The following MYRIP variants were observed in gnomAD, a reference collection of about 807,000 sequenced individuals.
The protein encoded by MYRIP is rab effector MyRIP.
Under a neutral mutation model 98.0 loss-of-function variants are expected in MYRIP, and 49 were observed. The ratio of observed to expected loss-of-function variants is 0.50; its 90% CI spans 0.40 to 0.63. The LOEUF is 0.63. MYRIP is among the 30% of genes least tolerant of loss of function. The pLI is 0.00. For missense variants in MYRIP, 1,004 were observed against 1,058.2 expected, an observed-to-expected ratio of 0.95 and a Z score of 0.71; for synonymous variants, 404 against 409.5, an observed-to-expected ratio of 0.99 and a Z score of 0.16.
intron 2 of MYRIP, among the ~76,000 whole-genome samples, chr3:39,932,997 C>G (rs1042747871): frequency 2.6e-5 from 4 of 152,148 alleles, no homozygotes; most frequent in Admixed American, 6.5e-5. Context: ...GGACAGAATA[C>G]ATAGCATTTC....
intron 2 of MYRIP, among the ~76,000 whole-genome samples, chr3:39,904,352 C>T (rs1167957666): frequency 1.3e-5 from 2 of 152,102 alleles, no homozygotes; most frequent in East Asian, 1.9e-4. Context: ...TCTCCTGCCT[C>T]GACCTCTTGA....
In MYRIP at chr3:40,258,493, T is replaced by G. The variant is rs978938959; in HGVS notation, c.*327T>G. Reference sequence around the variant, plus strand: ...GCTACTGTATGTTGACTTTAAGATCTTTTTTTAAATACATTTGATTCAGCT... The same window carrying G: ...GCTACTGTATGTTGACTTTAAGATCGTTTTTTAAATACATTTGATTCAGCT... On this transcript the variant is annotated 3_prime_UTR_variant, in exon 17 of 17. Transcript: ENST00000302541. 22 of 291,620 alleles carry G rather than the reference T, an allele frequency of 7.5e-5. No homozygotes were observed. Among genetic ancestry groups the G allele is most frequent in the Middle Eastern group, 2.0e-3 (2 of 984 alleles). The allele number at this position is 291,620 out of a possible 1,614,324, so 18.1% of individuals were successfully genotyped here.
chr3:39,816,078 C>CTTTTTTTTTTTT (rs11382431), intron 1 of MYRIP, among the ~76,000 whole-genome samples: 1 of 143,230 alleles, frequency 7.0e-6, no homozygotes, highest in Non-Finnish European at 1.5e-5. Flanking sequence ...TTCTTTTTTT[C>CTTTTTTTTTTTT]TTTTTTTTTT....
chr3:40,000,270 G>T (rs981126646), intron 2 of MYRIP, among the ~76,000 whole-genome samples: 1 of 151,976 alleles, frequency 6.6e-6, no homozygotes, highest in African/African-American at 2.4e-5. Context: ...CTTGATTATG[G>T]CAATTTGAGC....
chr3:39,909,412 G>T (rs1943963583), intron 2 of MYRIP, among the ~76,000 whole-genome samples: 1 of 152,144 alleles, frequency 6.6e-6, no homozygotes, highest in Non-Finnish European at 1.5e-5. Context: ...AATATGAAAG[G>T]GGTGAAAGGG....
chr3:40,101,860 A>T (rs758886702), intron 3 of MYRIP, among the ~76,000 whole-genome samples: 1 of 152,146 alleles, frequency 6.6e-6, no homozygotes, highest in Non-Finnish European at 1.5e-5. Flanking sequence ...CCCATGACCC[A>T]GGACTGGCAG....
chr3:40,023,197 T>G (rs561110258), intron 2 of MYRIP, among the ~76,000 whole-genome samples: 1 of 152,204 alleles, frequency 6.6e-6, no homozygotes, highest in African/African-American at 2.4e-5. Context: ...TGGTCACAAG[T>G]GCAGATGTCA....
intron 2 of MYRIP, among the ~76,000 whole-genome samples, chr3:40,026,160 CT>C (rs1179700172): frequency 6.6e-6 from 1 of 152,082 alleles, no homozygotes; most frequent in African/African-American, 2.4e-5. Context: ...GAATGCAATT[CT>C]TTTCCTAGGG....
At chr3:40,207,603 T>C (rs1251887002) in intron 10 of MYRIP, among the ~76,000 whole-genome samples, 2 of 152,326 alleles carry the variant, frequency 1.3e-5, no homozygotes, top group African/African-American at 2.4e-5. Context: ...TCAAGTAAAA[T>C]TGATACACAA....
In MYRIP at chr3:39,943,843, C is replaced by T. The variant is rs1598996; in HGVS notation, c.110+42917C>T. ...AGCGGACTTTGTAGAGACACTCAAA[C>T]TTAATGGATTATGGACCCTGATCGA... On this transcript the variant is annotated intron_variant, in intron 2 of 16. Coordinates refer to ENST00000302541, the MANE Select transcript of MYRIP (RefSeq NM_015460.4). Among the ~76,000 whole-genome samples the T allele has an allele frequency of 9.3e-3, 1,419 of 152,232 alleles. 16 individuals are homozygous for T. The highest frequency in any genetic ancestry group is 0.032 in the African/African-American group (1,348 of 41,522).
intron 1 of MYRIP, among the ~76,000 whole-genome samples, chr3:39,883,399 T>C (rs1355820194): frequency 6.6e-6 from 1 of 151,976 alleles, no homozygotes; most frequent in Non-Finnish European, 1.5e-5. Flanking sequence ...CGTGTACAAG[T>C]GTAGATGAGA....
chr3:39,906,316 T>C (rs1156636454), intron 2 of MYRIP, among the ~76,000 whole-genome samples: 1 of 152,148 alleles, frequency 6.6e-6, no homozygotes, highest in Admixed American at 6.6e-5. Context: ...GTGTTCTTTC[T>C]GTAACAGCTC....
chr3:40,078,284 C>A (rs1158940691), intron 3 of MYRIP, among the ~76,000 whole-genome samples: 1 of 152,210 alleles, frequency 6.6e-6, no homozygotes, highest in Non-Finnish European at 1.5e-5. Context: ...TGTGTGCAGC[C>A]CCGGTTCGCA....
chr3:40,076,700 C>T (rs1456916981), intron 3 of MYRIP, among the ~76,000 whole-genome samples: 3 of 152,142 alleles, frequency 2.0e-5, no homozygotes, highest in Non-Finnish European at 4.4e-5. Context: ...CCCTCTCATG[C>T]TTAGCTCAAA....
chr3:40,258,277 G>A lies in MYRIP; in HGVS notation c.*111G>A. ...TATTTCCACCTGAGGAGAAGGCCTG[G>A]GGAGGCCACAGTGCACCATTGCACA... is the stretch of plus-strand genomic sequence containing the variant. On this transcript the variant is annotated 3_prime_UTR_variant, in exon 17 of 17. Coordinates refer to ENST00000302541, the MANE Select transcript of MYRIP (RefSeq NM_015460.4). The A allele has an allele frequency of 3.0e-6, 4 of 1,331,572 alleles. No homozygotes were observed. Among genetic ancestry groups the A allele is most frequent in the South Asian group, 2.4e-5 (2 of 84,924 alleles). 82.5% of individuals were successfully genotyped at this position (1,331,572 alleles called of 1,614,324 possible).
intron 1 of MYRIP, among the ~76,000 whole-genome samples, chr3:39,832,947 A>G (rs945073983): frequency 5.9e-5 from 9 of 152,232 alleles, no homozygotes; most frequent in African/African-American, 2.2e-4. Context: ...AATGTTTATC[A>G]TAGTCCTCTG....
At chr3:40,226,042 C>G (rs1029440530) in intron 11 of MYRIP, among the ~76,000 whole-genome samples, 1 of 152,144 alleles carries the variant, frequency 6.6e-6, no homozygotes, top group Non-Finnish European at 1.5e-5. Flanking sequence ...CTGTCACCAA[C>G]TTCTTGATTG....
chr3:39,918,369 G>A (rs1944219935), intron 2 of MYRIP, among the ~76,000 whole-genome samples: 1 of 152,164 alleles, frequency 6.6e-6, no homozygotes, highest in African/African-American at 2.4e-5. Context: ...TCTGCCAGAG[G>A]ACCCTCTTCC....
At chr3:40,143,607 G>GA (rs1452514415) in intron 3 of MYRIP, among the ~76,000 whole-genome samples, 2 of 152,074 alleles carry the variant, frequency 1.3e-5, no homozygotes, top group African/African-American at 4.8e-5. Flanking sequence ...AATCATAATC[G>GA]AAAACACATT....
Sources: gnomAD v4.1 joint callset for allele counts (sites outside exome capture counted in the v4.1 genomes callset) on GRCh38, gnomAD v4.1.1 for gene constraint, MANE v1.5 for transcripts, NCBI Gene and HGNC (gene_info 2026-07-23, HGNC 2026-07-21) for gene names.